The following SMYD3 variants were observed in gnomAD, a reference collection of about 807,000 sequenced individuals.
The protein encoded by SMYD3 is SET and MYND domain containing 3, also known as histone-lysine N-methyltransferase SMYD3.
SMYD3 carries 36 observed loss-of-function variants against 57.7 expected under a neutral mutation model. The ratio of observed to expected loss-of-function variants is 0.62; its 90% CI spans 0.48 to 0.82. The LOEUF is 0.82. Ranked by LOEUF, SMYD3 falls within the 40% of genes least tolerant of loss-of-function variation. The pLI, the probability that SMYD3 is intolerant of heterozygous loss-of-function variation, is 0.00. For missense variants in SMYD3, 515 were observed against 538.8 expected (o/e 0.96, Z 0.44); for synonymous variants, 211 against 195.0 (o/e 1.08, Z -0.68).
chr1:246,284,867 G>A (rs1316179907), intron 5 of SMYD3, among the ~76,000 whole-genome samples: 1 of 151,876 alleles, frequency 6.6e-6, no homozygotes, highest in East Asian at 1.9e-4. Flanking sequence ...TGGTCATGTT[G>A]CTTTTAAATT....
At chr1:246,446,589 G>T (rs1191590210) in intron 1 of SMYD3, among the ~76,000 whole-genome samples, 1 of 152,024 alleles carries the variant, frequency 6.6e-6, no homozygotes, top group Non-Finnish European at 1.5e-5. Flanking sequence ...TCCATGACAG[G>T]TTTCATTTCT....
intron 8 of SMYD3, among the ~76,000 whole-genome samples, chr1:245,911,158 C>G (rs113240155): frequency 6.6e-6 from 1 of 151,802 alleles, no homozygotes; most frequent in Non-Finnish European, 1.5e-5. Flanking sequence ...AAATTAAAAC[C>G]ACAATGAGCT....
intron 5 of SMYD3, among the ~76,000 whole-genome samples, chr1:245,976,765 T>C (rs372062743): frequency 0.037 from 126 of 3,362 alleles, 7 homozygotes; most frequent in African/African-American, 0.16. Context: ...GTCTCCGGCC[T>C]AGGGAAAGCC....
chr1:245,797,699 TAAAGAAAAGA>T (rs541165178), intron 10 of SMYD3, among the ~76,000 whole-genome samples: 7 of 151,154 alleles, frequency 4.6e-5, no homozygotes, highest in South Asian at 2.1e-4. Context: ...TAGATAGATA[TAAAGAAAAGA>T]AAAGAAAAGA....
intron 5 of SMYD3, among the ~76,000 whole-genome samples, chr1:246,164,276 AGCTGGGCGTGGTG>A (rs1378048283): frequency 6.6e-6 from 1 of 152,148 alleles, no homozygotes; most frequent in Non-Finnish European, 1.5e-5. Flanking sequence ...CAAAAAAATT[AGCTGGGCGTGGTG>A]GCGGGTGCCT....
intron 5 of SMYD3, among the ~76,000 whole-genome samples, chr1:246,277,708 C>T (rs1456109729): frequency 2.0e-5 from 3 of 152,204 alleles, no homozygotes; most frequent in Non-Finnish European, 4.4e-5. Context: ...GAGGAACAAA[C>T]TACTGACACA....
chr1:245,799,058 TCTCCATAGCAGAGAACCTGCCTA>T (rs2148229099), intron 10 of SMYD3, among the ~76,000 whole-genome samples: 1 of 152,262 alleles, frequency 6.6e-6, no homozygotes, highest in South Asian at 2.1e-4. Flanking sequence ...GCTCTAGCCC[TCTCCATAGCAGAGAACCTGCCTA>T]CTCCTCTGAG....
intron 1 of SMYD3, among the ~76,000 whole-genome samples, chr1:246,410,935 T>C (rs544117399): frequency 3.3e-5 from 5 of 152,372 alleles, no homozygotes; most frequent in African/African-American, 1.2e-4. Flanking sequence ...CCATTTCTTC[T>C]AGATTTTCTA....
At chr1:246,313,018 G>C (rs1158024098) in intron 5 of SMYD3, among the ~76,000 whole-genome samples, 2 of 151,934 alleles carry the variant, frequency 1.3e-5, no homozygotes, top group African/African-American at 2.4e-5. Flanking sequence ...AGGCTCGAGC[G>C]ATCCTCCCAC....
At chr1:246,071,871 G>A (rs28393419) in intron 5 of SMYD3, among the ~76,000 whole-genome samples, 2,156 of 14,420 alleles carry the variant, frequency 0.15, 68 homozygotes, top group African/African-American at 0.21. Flanking sequence ...TGTGCTTTCC[G>A]CTGTGCTCAC....
intron 5 of SMYD3, among the ~76,000 whole-genome samples, chr1:246,204,098 G>A (rs939499405): frequency 2.0e-5 from 3 of 152,040 alleles, no homozygotes; most frequent in African/African-American, 7.2e-5. Context: ...TTTTGTAAGA[G>A]AACCCAGAAA....
At chr1:246,119,100 A>C (rs937022503) in intron 5 of SMYD3, among the ~76,000 whole-genome samples, 1 of 152,188 alleles carries the variant, frequency 6.6e-6, no homozygotes, top group African/African-American at 2.4e-5. Context: ...AGCTCACTGC[A>C]GCCTCAAAAT....
At chr1:246,275,945 C>T (rs78483110) in intron 5 of SMYD3, among the ~76,000 whole-genome samples, 1 of 138,720 alleles carries the variant, frequency 7.2e-6, no homozygotes, top group Non-Finnish European at 1.6e-5. Context: ...CTCTGTTTTT[C>T]ACTAGTCGTA....
intron 5 of SMYD3, among the ~76,000 whole-genome samples, chr1:246,277,324 T>C (rs1411375134): frequency 6.6e-6 from 1 of 152,200 alleles, no homozygotes; most frequent in Non-Finnish European, 1.5e-5. Context: ...CCTTGCACAC[T>C]GTTACAATGG....
At position 245,958,029 on chromosome 1, in the gene SMYD3, C is replaced by CG. The variant is rs201378854; in HGVS notation, c.532-28093dup. 2.6e-3 allele frequency among the ~76,000 whole-genome samples: 401 copies of CG among 151,938 alleles called. 1 individual carries two copies. The highest frequency in any genetic ancestry group is 8.9e-3 in the African/African-American group (368 of 41,462). ...TTCAGAGACTTTGAGAAAAAAAAAG[C>CG]GGGGGGGAGAAACAAGCGGGTTTTC... On this transcript the variant is annotated intron_variant, in intron 5 of 11. Transcript: ENST00000490107.
chr1:245,870,194 C>A (rs995701824), intron 8 of SMYD3, among the ~76,000 whole-genome samples: 1 of 152,168 alleles, frequency 6.6e-6, no homozygotes, highest in Non-Finnish European at 1.5e-5. Flanking sequence ...GAATCCCAAC[C>A]AAGACAACAG....
intron 5 of SMYD3, among the ~76,000 whole-genome samples, chr1:245,977,160 A>G (rs2058465676): frequency 6.6e-6 from 1 of 152,220 alleles, no homozygotes. Flanking sequence ...CAGAATTAGA[A>G]TCATCTTTTT....
intron 5 of SMYD3, among the ~76,000 whole-genome samples, chr1:246,317,377 C>T (rs889365288): frequency 6.6e-6 from 1 of 152,246 alleles, no homozygotes; most frequent in African/African-American, 2.4e-5. Flanking sequence ...AAAAACCTTC[C>T]AGCTTACAAA....
intron 5 of SMYD3, among the ~76,000 whole-genome samples, chr1:246,049,578 T>G (rs1399230201): frequency 1.3e-5 from 2 of 152,080 alleles, no homozygotes; most frequent in Non-Finnish European, 2.9e-5. Flanking sequence ...GTGCTGGGAT[T>G]ACAGGCGTGA....
Sources: gnomAD v4.1 joint callset for allele counts (sites outside exome capture counted in the v4.1 genomes callset) on GRCh38, gnomAD v4.1.1 for gene constraint, MANE v1.5 for transcripts, NCBI Gene and HGNC (gene_info 2026-07-23, HGNC 2026-07-21) for gene names.